ARNT2: variants seen among roughly 807,000 people sequenced by gnomAD.
ARNT2 encodes the protein aryl hydrocarbon receptor nuclear translocator 2.
Under a neutral mutation model 91.7 loss-of-function variants are expected in ARNT2, and 36 were observed. The ratio of observed to expected loss-of-function variants is 0.39; its 90% confidence interval spans 0.30 to 0.52. ARNT2 has a LOEUF of 0.52. ARNT2 is among the 20% of genes least tolerant of loss of function. The probability of loss-of-function intolerance (pLI) is 0.72; values close to 1 mark genes in which losing one functional copy is unlikely to be tolerated. For synonymous variants in ARNT2, 365 were observed against 347.1 expected (o/e 1.05, Z -0.57); for missense variants, 775 against 939.3 (o/e 0.83, Z 2.29).
intron 3 of ARNT2, among the ~76,000 whole-genome samples, chr15:80,465,194 G>C (rs1242737814): frequency 3.3e-5 from 5 of 152,210 alleles, no homozygotes; most frequent in African/African-American, 1.2e-4. Context: ...GGTTATCACT[G>C]TGTGCTGGGT....
chr15:80,591,801 C>T lies in ARNT2; in HGVS notation c.2055+97C>T. Reference sequence around the variant, plus strand: ...TGCCGCACCACCGCCTGCCCGATAGCCGTCGTGAGTTCTGGCCCAGCCTGG... The same window carrying T: ...TGCCGCACCACCGCCTGCCCGATAGTCGTCGTGAGTTCTGGCCCAGCCTGG... On this transcript the variant is annotated intron_variant, in intron 18 of 18. Transcript: ENST00000303329. The surrounding 1 kb of genome is among the most constrained non-coding windows in gnomAD (Gnocchi z 5.1). 4 of 1,554,254 alleles carry T rather than the reference C, an allele frequency of 2.6e-6. No homozygotes were observed. The highest frequency in any genetic ancestry group is 2.6e-6 in the Non-Finnish European group (3 of 1,146,348).
intron 1 of ARNT2, among the ~76,000 whole-genome samples, chr15:80,443,592 A>T (rs1896229622): frequency 6.6e-6 from 1 of 152,210 alleles, no homozygotes. Flanking sequence ...GAGTTCACCT[A>T]GGAGGACACA....
intron 8 of ARNT2, among the ~76,000 whole-genome samples, chr15:80,524,650 G>C (rs959702940): frequency 6.6e-6 from 1 of 152,130 alleles, no homozygotes; most frequent in Non-Finnish European, 1.5e-5. Context: ...GCCGAGGCGG[G>C]CGATTCATGA....
chr15:80,472,729 C>A (rs542580609), intron 4 of ARNT2, among the ~76,000 whole-genome samples: 3 of 152,230 alleles, frequency 2.0e-5, no homozygotes, highest in Non-Finnish European at 2.9e-5. Flanking sequence ...GCTCCCAGCT[C>A]GTGTGGTTGT....
chr15:80,522,556 G>A (rs1176481317), intron 8 of ARNT2, among the ~76,000 whole-genome samples: 1 of 152,110 alleles, frequency 6.6e-6, no homozygotes, highest in Non-Finnish European at 1.5e-5. Flanking sequence ...GGGATAGCCT[G>A]TTGCTCCTAG....
intron 1 of ARNT2, among the ~76,000 whole-genome samples, chr15:80,429,483 C>T (rs1287684117): frequency 6.6e-6 from 1 of 152,254 alleles, no homozygotes; most frequent in African/African-American, 2.4e-5. Flanking sequence ...ACCCACCCCA[C>T]CCCGCAATCG....
intron 8 of ARNT2, among the ~76,000 whole-genome samples, chr15:80,543,094 CA>C (rs368917679): frequency 5.7e-4 from 49 of 86,676 alleles, no homozygotes; most frequent in South Asian, 2.6e-3. Context: ...CAGACCCGGT[CA>C]AAAAAAAAAA....
At chr15:80,518,379 C>T (rs531173844) in intron 8 of ARNT2, among the ~76,000 whole-genome samples, 2 of 137,286 alleles carry the variant, frequency 1.5e-5, no homozygotes, top group South Asian at 2.3e-4. Flanking sequence ...CTCCCAGGTT[C>T]AAGCAATTCT....
intron 5 of ARNT2, among the ~76,000 whole-genome samples, chr15:80,496,726 A>T (rs1283276294): frequency 2.6e-5 from 4 of 152,210 alleles, no homozygotes; most frequent in Non-Finnish European, 5.9e-5. Flanking sequence ...GTTGCTTAGG[A>T]TTCCTACTGC....
chr15:80,488,515 T>C (rs1897008536), intron 5 of ARNT2: 1 of 152,112 alleles, frequency 6.6e-6, no homozygotes, highest in African/African-American at 2.4e-5. Context: ...AAAACAGTGG[T>C]TCTCAATCTC....
At chr15:80,527,650 A>G (rs1308664314) in intron 8 of ARNT2, among the ~76,000 whole-genome samples, 5 of 152,264 alleles carry the variant, frequency 3.3e-5, no homozygotes, top group Admixed American at 1.3e-4. Flanking sequence ...AATTTTCACA[A>G]CAACCCTAAT....
chr15:80,454,104 CA>C (rs1206856426), intron 2 of ARNT2, among the ~76,000 whole-genome samples: 3 of 152,248 alleles, frequency 2.0e-5, no homozygotes, highest in Admixed American at 6.5e-5. Context: ...CCTGCTCTCC[CA>C]GCATTTGGGA....
chr15:80,548,554 G>T (rs530564160), intron 8 of ARNT2, among the ~76,000 whole-genome samples: 1 of 151,850 alleles, frequency 6.6e-6, no homozygotes, highest in Admixed American at 6.6e-5. Context: ...GTGATAAAAC[G>T]GAAACAAATA....
chr15:80,438,981 C>T (rs555725322), intron 1 of ARNT2, among the ~76,000 whole-genome samples: 118 of 152,280 alleles, frequency 7.7e-4, no homozygotes, highest in African/African-American at 2.8e-3. Flanking sequence ...GTATTATTTC[C>T]TCACTTCCTA....
intron 12 of ARNT2, 155 bp from the exon 13 acceptor site, chr15:80,573,993 G>A (rs540704444): frequency 1.5e-5 from 9 of 620,656 alleles, no homozygotes; most frequent in East Asian, 1.4e-4. Context: ...TCTTGATTTA[G>A]GGCATTAAAA....
intron 1 of ARNT2, among the ~76,000 whole-genome samples, chr15:80,433,467 G>A (rs985518774): frequency 1.3e-5 from 2 of 151,546 alleles, no homozygotes; most frequent in African/African-American, 2.4e-5. Flanking sequence ...TGTATTTTTA[G>A]TAGAGACGAG....
At chr15:80,551,920 A>G (rs1480575902) in intron 9 of ARNT2, among the ~76,000 whole-genome samples, 2 of 152,180 alleles carry the variant, frequency 1.3e-5, no homozygotes, top group African/African-American at 2.4e-5. Flanking sequence ...AGTTGAGTGC[A>G]TGCTCATCCC....
intron 1 of ARNT2, among the ~76,000 whole-genome samples, chr15:80,405,138 G>A (rs2141548084): frequency 6.6e-6 from 1 of 152,346 alleles, no homozygotes; most frequent in Middle Eastern, 3.4e-3. Flanking sequence ...TCCTGCCCAG[G>A]TGACATCCTC....
chr15:80,476,962 T>A (rs188701284), intron 5 of ARNT2, among the ~76,000 whole-genome samples: 1 of 152,330 alleles, frequency 6.6e-6, no homozygotes, highest in East Asian at 1.9e-4. Context: ...AATGGTTTAG[T>A]ACCATCCTCT....
Sources: allele counts gnomAD v4.1 joint callset (sites outside exome capture counted in the v4.1 genomes callset), GRCh38; gene constraint gnomAD v4.1.1; non-coding constraint Gnocchi (gnomAD v3.1); transcripts MANE v1.5; gene names NCBI Gene and HGNC (gene_info 2026-07-23, HGNC 2026-07-21).